Variants in C5orf47 observed in about 807,000 individuals in gnomAD.
C5orf47 encodes the protein chromosome 5 open reading frame 47.
C5orf47 carries 20 observed loss-of-function variants against 20.6 expected under a neutral mutation model. That is an observed-to-expected ratio of 0.97 (90% confidence interval 0.68 to 1.41). The LOEUF (loss-of-function observed/expected upper bound fraction) is 1.41, where lower values mean the gene tolerates loss of function less well. C5orf47 is among the 40% of genes most tolerant of loss of function. C5orf47 has a pLI of 0.00. For synonymous variants in C5orf47, 106 were observed against 97.3 expected, an observed-to-expected ratio of 1.09 and a Z score of -0.53; for missense variants, 262 against 238.4, an observed-to-expected ratio of 1.10 and a Z score of -0.65.
rs1457794516 is a variant in C5orf47 at position 174,005,026 on chromosome 5, C to T, written c.*772C>T. Reference sequence around the variant, plus strand: ...TTGTTTAATAAGTCCTTTTTTTCTACTCAACATTAAGTAGTAATCAACTTT... The same window carrying T: ...TTGTTTAATAAGTCCTTTTTTTCTATTCAACATTAAGTAGTAATCAACTTT... On this transcript the variant is annotated 3_prime_UTR_variant, in exon 5 of 5. Coordinates refer to ENST00000340147, the MANE Select transcript of C5orf47 (RefSeq NM_001144954.2). The T allele has an allele frequency of 2.6e-5, 4 of 152,018 alleles. No individual in the cohort carries two copies. The allele number at this position is 152,018 out of a possible 1,614,324, so 9.4% of individuals were successfully genotyped here.
chr5:174,007,516 ATTTAC>A (rs889780996), downstream of C5orf47, among the ~76,000 whole-genome samples: 14 of 149,762 alleles, frequency 9.3e-5, no homozygotes, highest in East Asian at 3.9e-4. Context: ...GGCAGACAGT[ATTTAC>A]TTAAGGTTTT....
intron 1 of C5orf47, among the ~76,000 whole-genome samples, chr5:173,992,259 A>T (rs1323281777): frequency 6.8e-6 from 1 of 147,280 alleles, no homozygotes; most frequent in Non-Finnish European, 1.5e-5. Context: ...TACTAAGCTA[A>T]GATTTGGGCC....
At chr5:173,989,668 T>C (rs1758948888) in intron 1 of C5orf47, 80 bp downstream of exon 1, 3 of 1,222,048 alleles carry the variant, frequency 2.5e-6, no homozygotes, top group South Asian at 4.1e-5. Context: ...GGCGCCATCT[T>C]GCGGCACGCA....
intron 1 of C5orf47, 24 bp downstream of exon 1, chr5:173,989,612 ACCGGGCGCGGCGGGG>A: frequency 7.4e-7 from 1 of 1,352,484 alleles, no homozygotes; most frequent in African/African-American, 1.5e-5. Flanking sequence ...GCAGGGCGGG[ACCGGGCGCGGCGGGG>A]CGGGACGGGG....
chr5:173,997,241 T>G lies in C5orf47; in HGVS notation c.326-912T>G, dbSNP rs923377853. Among the ~76,000 whole-genome samples, 8 of 151,990 alleles carry G rather than the reference T, an allele frequency of 5.3e-5. No individual in the cohort carries two copies. The East Asian group carries it at 5.8e-4, about 11-fold the overall frequency. ...TGAAAGAGTAGAAGAAAGTGAGAGA[T>G]AGAGTGGTGGTAGGGCAGGAACAAG... On this transcript the variant is annotated intron_variant, in intron 1 of 4. Transcript: ENST00000340147.
Position 173,989,596 on chromosome 5 carries a change from A to T in C5orf47, c.325+8A>T. 9.1e-6 allele frequency: 13 copies of T among 1,425,668 alleles called. No homozygotes were observed. Among genetic ancestry groups the T allele is most frequent in the Non-Finnish European group, 1.2e-5 (13 of 1,089,818 alleles). 88.3% of individuals were successfully genotyped at this position (1,425,668 alleles called of 1,614,324 possible). On this transcript the variant is annotated splice_region_variant and intron_variant, in intron 1 of 4. Transcript: ENST00000340147. ...GACAGTCGGCGCGTGCAGGTGGTGC[A>T]GCGGGGCAGGGCGGGACCGGGCGCG...
At chr5:173,996,410 G>C (rs112334776) in intron 1 of C5orf47, among the ~76,000 whole-genome samples, 1 of 152,170 alleles carries the variant, frequency 6.6e-6, no homozygotes, top group East Asian at 1.9e-4. Context: ...AAGTAATTAC[G>C]GGTAGACTTG....
chr5:173,989,344 TGG>T lies in C5orf47; in HGVS notation c.82_83del (p.Gly28ArgfsTer89). 1 of 1,499,704 alleles carries T rather than the reference TGG, an allele frequency of 6.7e-7. No individual in the cohort carries two copies. The highest frequency in any genetic ancestry group is 8.9e-7 in the Non-Finnish European group (1 of 1,120,516). The allele number at this position is 1,499,704 out of a possible 1,614,324, so 92.9% of individuals were successfully genotyped here. On this transcript the variant is annotated frameshift_variant, in exon 1 of 5. Transcript: ENST00000340147. LOFTEE classifies it high-confidence loss of function. ...CGCGCTTCGGCTCGCATCAGTGCAG[TGG>T]CGTCCTGCAACTGGGCGGCCGTGGA... Reference protein sequence around the residue: ...VTRFGSHQCSGVLQLGGRGAQ... With the variant: ...VTRFGSHQCSXVLQLGGRGAQ...
At chr5:174,007,802 G>A (rs1196076803), downstream of C5orf47, among the ~76,000 whole-genome samples, 3 of 151,920 alleles carry the variant, frequency 2.0e-5, no homozygotes, top group African/African-American at 7.3e-5. Flanking sequence ...TCAGGTGGTC[G>A]TCCCACCTTG....
In C5orf47 at chr5:173,989,441, G is replaced by GTGGCGGGCGTTCAGGGTGGCAGCGAGC. The variant is rs1372235115; in HGVS notation, c.181_207dup (p.Ala61_Leu69dup). ...GGAGAAGCCGAGGGAAGCAATGGCG[G>GTGGCGGGCGTTCAGGGTGGCAGCGAGC]TGGCGGGCGTTCAGGGTGGCAGCGA... On this transcript the variant is annotated inframe_insertion, in exon 1 of 5. Coordinates refer to ENST00000340147, the MANE Select transcript of C5orf47 (RefSeq NM_001144954.2). 8.4e-6 allele frequency: 13 copies of GTGGCGGGCGTTCAGGGTGGCAGCGAGC among 1,549,554 alleles called. No homozygotes were observed. In the South Asian group the frequency reaches 1.6e-4, roughly 19 times the overall value.
chr5:173,999,360 T>A (rs1034970714), intron 2 of C5orf47, among the ~76,000 whole-genome samples: 1 of 152,218 alleles, frequency 6.6e-6, no homozygotes, highest in Non-Finnish European at 1.5e-5. Flanking sequence ...CATTGGAATA[T>A]AAATTCACAA....
At position 173,999,690 on chromosome 5, in the gene C5orf47, T is replaced by C. The variant is rs966464803; in HGVS notation, c.412-10T>C. On this transcript the variant is annotated splice_polypyrimidine_tract_variant and intron_variant, in intron 2 of 4. Coordinates refer to ENST00000340147, the MANE Select transcript of C5orf47 (RefSeq NM_001144954.2). Reference sequence around the variant, plus strand: ...GCTCAGCATTCCTTTACTGTGCTTATCTTTTTAAGGTTTTAGTATGGAATA... The same window carrying C: ...GCTCAGCATTCCTTTACTGTGCTTACCTTTTTAAGGTTTTAGTATGGAATA... 1.5e-6 allele frequency: 2 copies of C among 1,332,520 alleles called. No homozygotes were observed. Among genetic ancestry groups the C allele is most frequent in the African/African-American group, 3.0e-5 (2 of 67,528 alleles). 82.5% of individuals were successfully genotyped at this position (1,332,520 alleles called of 1,614,324 possible). A position where few individuals can be genotyped will look rare whatever the true frequency, so the allele number is the denominator to read the frequency against.
chr5:173,993,416 G>T (rs1382943689), intron 1 of C5orf47, among the ~76,000 whole-genome samples: 1 of 152,160 alleles, frequency 6.6e-6, no homozygotes, highest in African/African-American at 2.4e-5. Context: ...GCCAAGGTGG[G>T]CAGATCACGA....
rs1409543601 is a variant in C5orf47 at position 174,004,572 on chromosome 5, A to G, written c.*318A>G. On this transcript the variant is annotated 3_prime_UTR_variant, in exon 5 of 5. Transcript: ENST00000340147. Reference sequence around the variant, plus strand: ...TAAATTAGCATATCAATGCAATTGCATGAATTTTATAATTACCAGCTTTTC... The same window carrying G: ...TAAATTAGCATATCAATGCAATTGCGTGAATTTTATAATTACCAGCTTTTC... 6.6e-6 allele frequency: 1 copy of G among 152,326 alleles called. No homozygotes were observed. Among genetic ancestry groups the G allele is most frequent in the Non-Finnish European group, 1.5e-5 (1 of 68,010 alleles). The allele number at this position is 152,326 out of a possible 1,614,324, so 9.4% of individuals were successfully genotyped here. A position where few individuals can be genotyped will look rare whatever the true frequency, so the allele number is the denominator to read the frequency against.
chr5:174,004,012 A>G lies in C5orf47; in HGVS notation c.*17-259A>G, dbSNP rs141934586. Among the ~76,000 whole-genome samples, 682 of 152,310 alleles carry G rather than the reference A, an allele frequency of 4.5e-3. 4 individuals carry two copies. The highest frequency in any genetic ancestry group is 0.02 in the South Asian group (97 of 4,828). ...CTGTGACACAATGTTTCTGTGACAC[A>G]TTTCTTGCAAATGGGACTGTTGAAG... On this transcript the variant is annotated intron_variant, in intron 4 of 4. Transcript: ENST00000340147.
At position 173,989,268 on chromosome 5, in the gene C5orf47, C is replaced by T. The variant is rs1758927792; in HGVS notation, c.5C>T (p.Ala2Val). Residue 2 changes from alanine (A) to valine (V), a missense_variant, in exon 1 of 5, where the codon GCG (alanine) becomes GTG (valine). By Grantham distance (64) the Ala-to-Val change is moderately conservative. Coordinates refer to ENST00000340147, the MANE Select transcript of C5orf47 (RefSeq NM_001144954.2). ...CTGCCGTTGACTGAGGCTGCGATGG[C>T]GGCGGCAGGCCGGGGTCGGGAGCAG... The part of the protein sequence containing the change: M[A>V]AAGRGREQDS... 4 of 1,382,356 alleles carry T rather than the reference C, an allele frequency of 2.9e-6. No individual in the cohort carries two copies. Among genetic ancestry groups the T allele is most frequent in the Non-Finnish European group, 3.8e-6 (4 of 1,065,216 alleles). 85.6% of individuals were successfully genotyped at this position (1,382,356 alleles called of 1,614,324 possible).
At chr5:174,002,775 A>T (rs1285647223) in intron 4 of C5orf47, among the ~76,000 whole-genome samples, 1 of 152,108 alleles carries the variant, frequency 6.6e-6, no homozygotes, top group East Asian at 1.9e-4. Flanking sequence ...AGGAATTTTT[A>T]AAAAATTTTG....
intron 3 of C5orf47, among the ~76,000 whole-genome samples, 176 bp downstream of exon 3, chr5:173,999,975 C>T (rs1759166869): frequency 6.6e-6 from 1 of 151,818 alleles, no homozygotes. Context: ...AGAGCACCTG[C>T]AAGCAGTGAG....
At chr5:174,007,514 G>A (rs1229300787), downstream of C5orf47, among the ~76,000 whole-genome samples, 1 of 150,990 alleles carries the variant, frequency 6.6e-6, no homozygotes, top group Non-Finnish European at 1.5e-5. Context: ...GGGGCAGACA[G>A]TATTTACTTA....
Sources: gnomAD v4.1 joint callset for allele counts (sites outside exome capture counted in the v4.1 genomes callset) on GRCh38, gnomAD v4.1.1 for gene constraint, MANE v1.5 for transcripts, NCBI Gene and HGNC (gene_info 2026-07-23, HGNC 2026-07-21) for gene names.